MGAT4C: variants seen among roughly 807,000 people sequenced by gnomAD.
MGAT4C encodes MGAT4 family member C.
Under a neutral mutation model 40.1 loss-of-function variants are expected in MGAT4C, and 19 were observed. The ratio of observed to expected loss-of-function variants is 0.47; its 90% CI spans 0.33 to 0.70. MGAT4C has a LOEUF of 0.70. MGAT4C is among the 30% of genes least tolerant of loss of function. The pLI, the probability that MGAT4C is intolerant of heterozygous loss-of-function variation, is 0.02. For synonymous variants in MGAT4C, 181 were observed against 187.1 expected (o/e 0.97, Z 0.27); for missense variants, 491 against 563.2 (o/e 0.87, Z 1.30).
At chr12:86,598,899 C>T (rs930330170) in intron 2 of MGAT4C, among the ~76,000 whole-genome samples, 1 of 152,092 alleles carries the variant, frequency 6.6e-6, no homozygotes, top group Admixed American at 6.5e-5. Context: ...ATTCTGTCTA[C>T]ACCATTTTGT....
chr12:86,367,772 C>G lies in MGAT4C; in HGVS notation c.-119-33645G>C, dbSNP rs902561388. Reference sequence around the variant, plus strand: ...CCAAGATTGCGCCACTGCACTCCAGCCTAGGCGACAGAGCGAGACTCCGTC... The same window carrying G: ...CCAAGATTGCGCCACTGCACTCCAGGCTAGGCGACAGAGCGAGACTCCGTC... On this transcript the variant is annotated intron_variant, in intron 3 of 7. Coordinates refer to the MGAT4C transcript ENST00000548651. Among the ~76,000 whole-genome samples the G allele has an allele frequency of 2.4e-4, 36 of 152,158 alleles. 1 individual carries two copies. The highest frequency in any genetic ancestry group is 2.4e-5 in the African/African-American group (1 of 41,450).
chr12:86,681,361 C>T (rs1303655085), intron 2 of MGAT4C, among the ~76,000 whole-genome samples: 2 of 151,892 alleles, frequency 1.3e-5, no homozygotes, highest in African/African-American at 2.4e-5. Flanking sequence ...ATAACATTTG[C>T]AACCATGGTG....
intron 2 of MGAT4C, among the ~76,000 whole-genome samples, chr12:86,482,102 A>ACACAC (rs59483745): frequency 4.0e-5 from 6 of 149,710 alleles, no homozygotes; most frequent in South Asian, 4.2e-4. Flanking sequence ...ACACACACAC[A>ACACAC]AGCAAGTCTT....
intron 2 of MGAT4C, among the ~76,000 whole-genome samples, chr12:86,458,054 A>C (rs2136292861): frequency 6.6e-6 from 1 of 152,264 alleles, no homozygotes; most frequent in African/African-American, 2.4e-5. Context: ...ACTAAAAGAC[A>C]AATCACTACC....
chr12:85,961,881 T>C lies in MGAT4C; in HGVS notation c.*17408A>G, dbSNP rs968653321. 4.6e-5 allele frequency: 7 copies of C among 151,894 alleles called. No individual in the cohort carries two copies. The highest frequency in any genetic ancestry group is 1.0e-4 in the Non-Finnish European group (7 of 67,786). 9.4% of individuals were successfully genotyped at this position (151,894 alleles called of 1,614,324 possible). ...GGATTCTAAGGTTATTCTGTGACGATGGAACTTAATGATGTAAGAGTTAAT... is the reference window on the plus strand; with the variant it reads ...GGATTCTAAGGTTATTCTGTGACGACGGAACTTAATGATGTAAGAGTTAAT... On this transcript the variant is annotated 3_prime_UTR_variant, in exon 5 of 5. Transcript: ENST00000611864.
intron 2 of MGAT4C, among the ~76,000 whole-genome samples, chr12:86,451,740 A>T (rs1957427609): frequency 6.6e-6 from 1 of 152,118 alleles, no homozygotes; most frequent in African/African-American, 2.4e-5. Context: ...TTCTTTTAAA[A>T]TAAGATTATA....
intron 2 of MGAT4C, among the ~76,000 whole-genome samples, chr12:86,553,597 C>T (rs1959467962): frequency 6.6e-6 from 1 of 152,108 alleles, no homozygotes; most frequent in South Asian, 2.1e-4. Flanking sequence ...TTTGCACCCT[C>T]CAATCATTTG....
intron 1 of MGAT4C, among the ~76,000 whole-genome samples, chr12:86,219,694 G>A (rs766513809): frequency 3.3e-5 from 5 of 152,112 alleles, no homozygotes; most frequent in Non-Finnish European, 7.4e-5. Flanking sequence ...AAACACAATG[G>A]CATTTGGTGA....
intron 1 of MGAT4C, among the ~76,000 whole-genome samples, chr12:86,086,416 T>C (rs1871856405): frequency 6.6e-6 from 1 of 151,886 alleles, no homozygotes; most frequent in Admixed American, 6.6e-5. Flanking sequence ...GGAATAGCAT[T>C]AGGAGAAATA....
At chr12:86,219,418 C>G (rs1950797132) in intron 1 of MGAT4C, among the ~76,000 whole-genome samples, 1 of 152,084 alleles carries the variant, frequency 6.6e-6, no homozygotes, top group Non-Finnish European at 1.5e-5. Context: ...AACCCATAAT[C>G]CTGAGAAGAC....
chr12:86,335,789 A>C (rs79150038), intron 3 of MGAT4C, among the ~76,000 whole-genome samples: 5,708 of 152,232 alleles, frequency 0.037, 299 homozygotes, highest in African/African-American at 0.12. Flanking sequence ...TGCAACCCTT[A>C]CTGACATTAA....
chr12:86,287,391 T>TA (rs56064200), intron 4 of MGAT4C, among the ~76,000 whole-genome samples: 130,062 of 151,700 alleles, frequency 0.86, 55,840 homozygotes, highest in East Asian at 0.95. Flanking sequence ...AGTTCTGGGA[T>TA]TATGTGCAGA....
At position 86,292,068 on chromosome 12, in the gene MGAT4C, C is replaced by A. The variant is rs116261386; in HGVS notation, c.-57+41997G>T. 2.4e-3 allele frequency among the ~76,000 whole-genome samples: 365 copies of A among 152,220 alleles called. 1 individual carries two copies. Among genetic ancestry groups the A allele is most frequent in the African/African-American group, 8.2e-3 (340 of 41,534 alleles). ...CACATTCACCTCCTTAAGATAAAGA[C>A]AGAGACATTTGAGGATTGTAGGAGC... On this transcript the variant is annotated intron_variant, in intron 4 of 7. Transcript: ENST00000548651.
At chr12:86,289,203 G>T in intron 4 of MGAT4C, among the ~76,000 whole-genome samples, 1 of 152,290 alleles carries the variant, frequency 6.6e-6, no homozygotes, top group Non-Finnish European at 1.5e-5. Flanking sequence ...CTTTGTTGAA[G>T]ACTAGATGAT....
At chr12:86,304,119 T>C (rs1566273433) in intron 4 of MGAT4C, among the ~76,000 whole-genome samples, 1 of 150,766 alleles carries the variant, frequency 6.6e-6, no homozygotes, top group Non-Finnish European at 1.5e-5. Flanking sequence ...CCATTTGAAA[T>C]GAGAAAGTGG....
chr12:86,012,893 T>A (rs1888646166), intron 2 of MGAT4C, among the ~76,000 whole-genome samples: 2 of 149,094 alleles, frequency 1.3e-5, no homozygotes, highest in South Asian at 2.1e-4. Flanking sequence ...GGAGGCTGAG[T>A]TGGGAGGATT....
intron 2 of MGAT4C, among the ~76,000 whole-genome samples, chr12:86,624,129 G>A (rs1962724975): frequency 6.6e-6 from 1 of 152,098 alleles, no homozygotes; most frequent in African/African-American, 2.4e-5. Context: ...ATAATTAGTG[G>A]TAATTATTTA....
At chr12:86,803,106 T>A (rs918906558) in intron 1 of MGAT4C, among the ~76,000 whole-genome samples, 2 of 146,634 alleles carry the variant, frequency 1.4e-5, no homozygotes, top group African/African-American at 5.0e-5. Flanking sequence ...TCATAAATAA[T>A]GCCGCATACC....
intron 1 of MGAT4C, among the ~76,000 whole-genome samples, chr12:86,082,432 C>T (rs1398732181): frequency 3.3e-5 from 5 of 152,206 alleles, no homozygotes; most frequent in South Asian, 2.1e-4. Flanking sequence ...AATTGGTAGG[C>T]GACAATTCAT....
Sources: gnomAD v4.1 joint callset for allele counts (sites outside exome capture counted in the v4.1 genomes callset) on GRCh38, gnomAD v4.1.1 for gene constraint, MANE v1.5 for transcripts, NCBI Gene and HGNC (gene_info 2026-07-23, HGNC 2026-07-21) for gene names.